The following MICALL2 variants were observed in gnomAD, a reference collection of about 807,000 sequenced individuals.
The protein encoded by MICALL2 is MICAL like 2.
MICALL2 carries 111 observed loss-of-function variants against 91.1 expected under a neutral mutation model. The ratio of observed to expected loss-of-function variants is 1.22; its 90% CI spans 1.04 to 1.43. The LOEUF is 1.43. Among genes scored for constraint, MICALL2 ranks in the 40% most tolerant of loss-of-function variants. The probability of loss-of-function intolerance (pLI) is 0.00; values close to 1 mark genes in which losing one functional copy is unlikely to be tolerated. For missense variants in MICALL2, 1,556 were observed against 1,236.0 expected (o/e 1.26, Z -3.88); for synonymous variants, 694 against 525.3 (o/e 1.32, Z -4.39).
At chr7:1,437,713 T>C in intron 13 of MICALL2, 105 bp from the exon 14 acceptor site, 1 of 1,334,304 alleles carries the variant, frequency 7.5e-7, no homozygotes, top group Admixed American at 2.0e-5. Context: ...GACACGAGTC[T>C]GAGGCCTGAC....
At chr7:1,442,025 C>T in intron 7 of MICALL2, 167 bp downstream of exon 7, 1 of 796,056 alleles carries the variant, frequency 1.3e-6, no homozygotes, top group Non-Finnish European at 2.0e-6. Flanking sequence ...AGAGAGCGCA[C>T]CAGGACCCCA....
At position 1,452,207 on chromosome 7, in the gene MICALL2, C is replaced by T. The variant is rs1286866050; in HGVS notation, c.144-1919G>A. ...ACAAGATGGGGCGCGGACTCCTCTCCGTGTGGACAGATGACGAGGAGCCCC... is the reference window on the plus strand; with the variant it reads ...ACAAGATGGGGCGCGGACTCCTCTCTGTGTGGACAGATGACGAGGAGCCCC... On this transcript the variant is annotated intron_variant, in intron 1 of 16. Transcript: ENST00000297508. This position sits in a 1 kb window ranked among gnomAD's most constrained non-coding sequence, Gnocchi z 6.2. Among the ~76,000 whole-genome samples, 2 of 152,206 alleles carry T rather than the reference C, an allele frequency of 1.3e-5. No homozygotes were observed. The highest frequency in any genetic ancestry group is 1.5e-5 in the Non-Finnish European group (1 of 68,028).
At chr7:1,438,787 G>A (rs1780112828) in intron 10 of MICALL2, 53 bp downstream of exon 10, 18 of 1,549,454 alleles carry the variant, frequency 1.2e-5, no homozygotes, top group Admixed American at 5.4e-5. Context: ...CCTCCTCAGA[G>A]GAAGGCTCCC....
At chr7:1,453,056 G>A (rs1223027693) in intron 1 of MICALL2, among the ~76,000 whole-genome samples, 1 of 151,814 alleles carries the variant, frequency 6.6e-6, no homozygotes, top group Non-Finnish European at 1.5e-5. Context: ...GCTGAGCTCA[G>A]GGGCCCGATG....
At chr7:1,439,446 A>G (rs897728733) in intron 9 of MICALL2, 13 of 180,868 alleles carry the variant, frequency 7.2e-5, no homozygotes, top group South Asian at 1.2e-4. Flanking sequence ...ACATGGACAC[A>G]CATGCATCGC....
chr7:1,450,862 T>G (rs1431317539), intron 1 of MICALL2, among the ~76,000 whole-genome samples: 1 of 152,234 alleles, frequency 6.6e-6, no homozygotes, highest in Non-Finnish European at 1.5e-5. Context: ...CTGTTCACCC[T>G]GCAGTGAAGG....
intron 1 of MICALL2, among the ~76,000 whole-genome samples, chr7:1,455,878 G>A (rs540128662): frequency 6.6e-6 from 1 of 152,146 alleles, no homozygotes; most frequent in East Asian, 1.9e-4. Flanking sequence ...GAAGGAGAGG[G>A]GAATGAGGTG....
chr7:1,456,559 C>G (rs1781024139), intron 1 of MICALL2, among the ~76,000 whole-genome samples: 1 of 152,136 alleles, frequency 6.6e-6, no homozygotes, highest in Non-Finnish European at 1.5e-5. Flanking sequence ...GCACTCCAGC[C>G]TGGGCGACAG....
In MICALL2 at chr7:1,440,626, A is replaced by T; in HGVS notation, c.1770T>A (p.Asn590Lys). The T allele has an allele frequency of 6.2e-7, 1 of 1,612,512 alleles. No individual in the cohort carries two copies. Among genetic ancestry groups the T allele is most frequent in the Non-Finnish European group, 8.5e-7 (1 of 1,179,900 alleles). ...QEDGPAGWRA[N>K]LKPVDRRSPA... The stretch of plus-strand genomic sequence containing the variant: ...GGCTTCTCCTGTCCACGGGCTTCAG[A>T]TTCGCTCTCCATCCTGCCGGCCCGT... Residue 590 changes from asparagine to lysine, a missense_variant, in exon 8 of 17, where the codon AAT becomes AAA. Asn to Lys is a moderately conservative substitution (Grantham distance 94, BLOSUM62 0). Coordinates refer to ENST00000297508, the MANE Select transcript of MICALL2 (RefSeq NM_182924.4).
chr7:1,436,733 G>GT lies in MICALL2; in HGVS notation c.2591+8_2591+9insA. On this transcript the variant is annotated intron_variant, in intron 15 of 16. Transcript: ENST00000297508. ...TGGCTGGGAGGGGCCCCCGGCACCTGCCCCTCACCGGAGCCGGTCCTCGTC... is the reference window on the plus strand; with the variant it reads ...TGGCTGGGAGGGGCCCCCGGCACCTGTCCCCTCACCGGAGCCGGTCCTCGTC... 1.3e-6 allele frequency: 2 copies of GT among 1,596,672 alleles called. No individual in the cohort carries two copies. Among genetic ancestry groups the GT allele is most frequent in the Admixed American group, 3.4e-5 (2 of 58,780 alleles).
chr7:1,439,642 T>G (rs1780180597), intron 9 of MICALL2: 1 of 359,630 alleles, frequency 2.8e-6, no homozygotes, highest in East Asian at 4.4e-5. Context: ...TGGACATGCA[T>G]CACGTGCACA....
rs778243037 is a variant in MICALL2 at position 1,442,227 on chromosome 7, G to T, written c.1676C>A (p.Pro559Gln). 6.2e-7 allele frequency: 1 copy of T among 1,612,750 alleles called. No individual in the cohort carries two copies. The highest frequency in any genetic ancestry group is 2.2e-5 in the East Asian group (1 of 44,880). Residue 559 changes from proline (P) to glutamine (Q), a missense_variant, in exon 7 of 17, where the codon CCG becomes CAG. Pro to Gln is a moderately conservative substitution (Grantham distance 76, BLOSUM62 -1). Coordinates refer to ENST00000297508, the MANE Select transcript of MICALL2 (RefSeq NM_182924.4). ...GAGSRPKPEA[P>Q]MAKGKSTTLT... is the part of the protein sequence containing the mutation. ...GGTGGTGCTTTTACCCTTTGCCATC[G>T]GGGCCTCTGGCTTCGGCCTGGAGCC...
rs1011371532 is a variant in MICALL2 at position 1,452,971 on chromosome 7, G to A, written c.144-2683C>T. Among the ~76,000 whole-genome samples the A allele has an allele frequency of 7.9e-5, 12 of 151,532 alleles. No individual in the cohort carries two copies. The highest frequency in any genetic ancestry group is 1.2e-4 in the African/African-American group (5 of 41,188). ...CACAGAACAGCTTTTCCCACACTCC[G>A]CCCGATGCACCCGCCAGGCCCTCCC... On this transcript the variant is annotated intron_variant, in intron 1 of 16. Transcript: ENST00000297508. This position sits in a 1 kb window ranked among gnomAD's most constrained non-coding sequence, Gnocchi z 6.2.
At chr7:1,456,044 C>T (rs1752603719) in intron 1 of MICALL2, among the ~76,000 whole-genome samples, 1 of 151,872 alleles carries the variant, frequency 6.6e-6, no homozygotes, top group Admixed American at 6.6e-5. Context: ...CCACCCCAGC[C>T]ACCACCTCAT....
chr7:1,448,550 AGGCCTGGGAGCCAGGCCAAGGATGGGG>A (rs1780696954), intron 3 of MICALL2, 43 bp downstream of exon 3: 2 of 1,561,108 alleles, frequency 1.3e-6, no homozygotes, highest in Admixed American at 1.7e-5. Flanking sequence ...AAAAGTCCAC[AGGCCTGGGAGCCAGGCCAAGGATGGGG>A]GGCCTGGTCC....
At position 1,434,476 on chromosome 7, in the gene MICALL2, G is replaced by T; in HGVS notation, c.*120C>A. ...TTCCCGAGTCCAAGTCCGAATGCCG[G>T]GTCCGGGCCGAGCCCACGGCCCCGA... On this transcript the variant is annotated 3_prime_UTR_variant, in exon 17 of 17. Coordinates refer to ENST00000297508, the MANE Select transcript of MICALL2 (RefSeq NM_182924.4). The T allele has an allele frequency of 1.1e-6, 1 of 881,550 alleles. No homozygotes were observed. Among genetic ancestry groups the T allele is most frequent in the Admixed American group, 1.9e-5 (1 of 53,846 alleles). 54.6% of individuals were successfully genotyped at this position (881,550 alleles called of 1,614,324 possible). A position where few individuals can be genotyped will look rare whatever the true frequency, so the allele number is the denominator to read the frequency against.
At chr7:1,436,362 A>T (rs1779963774) in intron 15 of MICALL2, among the ~76,000 whole-genome samples, 2 of 148,362 alleles carry the variant, frequency 1.3e-5, no homozygotes, top group Non-Finnish European at 3.0e-5. Flanking sequence ...AGCCTGGGCA[A>T]CAGGAGGGAA....
chr7:1,434,552 G>T lies in MICALL2; in HGVS notation c.*44C>A. On this transcript the variant is annotated 3_prime_UTR_variant, in exon 17 of 17. Coordinates refer to ENST00000297508, the MANE Select transcript of MICALL2 (RefSeq NM_182924.4). Reference sequence around the variant, plus strand: ...GCCAAGCCCATGGCCCCGAGTCCAAGTCCGGATGCCAGGTCCGGGCCGAGC... The same window carrying T: ...GCCAAGCCCATGGCCCCGAGTCCAATTCCGGATGCCAGGTCCGGGCCGAGC... The T allele has an allele frequency of 1.3e-6, 2 of 1,552,454 alleles. No individual in the cohort carries two copies. Among genetic ancestry groups the T allele is most frequent in the Non-Finnish European group, 1.8e-6 (2 of 1,124,482 alleles).
Position 1,452,010 on chromosome 7 carries a change from C to A in MICALL2, c.144-1722G>T, listed in dbSNP as rs183985541. Among the ~76,000 whole-genome samples the A allele has an allele frequency of 9.9e-5, 15 of 152,284 alleles. No individual in the cohort carries two copies. The highest frequency in any genetic ancestry group is 3.1e-4 in the African/African-American group (13 of 41,560). ...GCAGTGGGATGGGGGCTGCAGGCTGCCCACCTCTCTCCTTAGGAAGCCCCC... is the reference window on the plus strand; with the variant it reads ...GCAGTGGGATGGGGGCTGCAGGCTGACCACCTCTCTCCTTAGGAAGCCCCC... On this transcript the variant is annotated intron_variant, in intron 1 of 16. Transcript: ENST00000297508. The surrounding 1 kb of genome is among the most constrained non-coding windows in gnomAD (Gnocchi z 6.2).
Sources: gnomAD v4.1 joint callset for allele counts (sites outside exome capture counted in the v4.1 genomes callset) on GRCh38, gnomAD v4.1.1 for gene constraint, Gnocchi (gnomAD v3.1) non-coding constraint, MANE v1.5 for transcripts, NCBI Gene and HGNC (gene_info 2026-07-23, HGNC 2026-07-21) for gene names.